The following ABHD2 variants were observed in gnomAD, a reference collection of about 807,000 sequenced individuals.
ABHD2 encodes the protein monoacylglycerol lipase ABHD2.
A neutral mutation model predicts 48.1 loss-of-function variants in ABHD2; 20 were observed. The observed-to-expected ratio is 0.42, with a 90% CI of 0.29 to 0.60. The LOEUF (loss-of-function observed/expected upper bound fraction) is 0.60, where lower values mean the gene tolerates loss of function less well. ABHD2 is among the 20% of genes least tolerant of loss of function. The probability of loss-of-function intolerance (pLI) is 0.24; values close to 1 mark genes in which losing one functional copy is unlikely to be tolerated. For synonymous variants in ABHD2, 209 were observed against 214.2 expected (o/e 0.98, Z 0.21); for missense variants, 405 against 550.9 (o/e 0.74, Z 2.65).
the ABHD2 span, among the ~76,000 whole-genome samples, chr15:89,073,026 T>C: frequency 0.012 from 1,764 of 152,302 alleles, 42 homozygotes; most frequent in African/African-American, 0.041. Flanking sequence ...GACATACTTA[T>C]ACTAAAAAAG....
At chr15:89,060,439 T>C in the ABHD2 span, among the ~76,000 whole-genome samples, 2 of 152,044 alleles carry the variant, frequency 1.3e-5, no homozygotes, top group Non-Finnish European at 2.9e-5. Flanking sequence ...AAGAGTTTTT[T>C]CGCTCATTTT....
At chr15:89,065,097 T>C in the ABHD2 span, among the ~76,000 whole-genome samples, 1 of 152,186 alleles carries the variant, frequency 6.6e-6, no homozygotes, top group African/African-American at 2.4e-5. Flanking sequence ...ACATGGGTGC[T>C]ATGGGCATCT....
chr15:89,198,184 TAA>T lies in ABHD2; in HGVS notation c.*2763_*2764del, dbSNP rs1178106090. The T allele has an allele frequency of 1.3e-5, 2 of 152,216 alleles. No homozygotes were observed. Among genetic ancestry groups the T allele is most frequent in the Non-Finnish European group, 2.9e-5 (2 of 68,030 alleles). 9.4% of individuals were successfully genotyped at this position (152,216 alleles called of 1,614,324 possible). On this transcript the variant is annotated 3_prime_UTR_variant, in exon 11 of 11. Coordinates refer to ENST00000352732, the MANE Select transcript of ABHD2 (RefSeq NM_152924.5). The surrounding 1 kb of genome is among the most constrained non-coding windows in gnomAD (Gnocchi z 5.1). ...TTGGGCTAAAACAAGGCTGAATTTT[TAA>T]AGAGTATTTGAATATATTTTAGAAT...
rs191885499 is a variant in ABHD2, at chr15:89,100,216, G to C, written c.-107+11653G>C. Among the ~76,000 whole-genome samples the C allele has an allele frequency of 6.6e-6, 1 of 152,046 alleles. No individual in the cohort carries two copies. The highest frequency in any genetic ancestry group is 1.5e-5 in the Non-Finnish European group (1 of 68,026). On this transcript the variant is annotated intron_variant, in intron 1 of 10. Coordinates refer to ENST00000352732, the MANE Select transcript of ABHD2 (RefSeq NM_152924.5). This position sits in a 1 kb window ranked among gnomAD's most constrained non-coding sequence, Gnocchi z 4.4. ...CTCTGGACTGGGATCTTCCAGCCTT[G>C]GTGAATGAAGTCTCTCCTTTGTCTT... is the stretch of plus-strand genomic sequence containing the variant.
At chr15:89,041,337 T>G in the ABHD2 span, 1 of 152,092 alleles carries the variant, frequency 6.6e-6, no homozygotes, top group African/African-American at 2.4e-5. Flanking sequence ...AGTTTAGAGG[T>G]GGTTTGCAAT....
At chr15:89,144,900 C>A (rs2150874427) in intron 3 of ABHD2, among the ~76,000 whole-genome samples, 1 of 152,326 alleles carries the variant, frequency 6.6e-6, no homozygotes, top group East Asian at 1.9e-4. Context: ...TGCTTTAAGA[C>A]CAGTAAAGAT....
At chr15:89,081,259 A>G in the ABHD2 span, among the ~76,000 whole-genome samples, 10 of 150,096 alleles carry the variant, frequency 6.7e-5, no homozygotes, top group Admixed American at 3.3e-4. Context: ...GGCTCAAGCA[A>G]TCCTCTTGCC....
Position 89,167,146 on chromosome 15 carries a change from G to A in ABHD2, c.539-8666G>A, listed in dbSNP as rs2050849971. On this transcript the variant is annotated intron_variant, in intron 5 of 10. Transcript: ENST00000352732. The surrounding 1 kb of genome is among the most constrained non-coding windows in gnomAD (Gnocchi z 5.5). ...AAGAGCTTCAGGCAGTGATTTTTAA[G>A]GAACTTCTATTTTGTTTTTACTGCT... Among the ~76,000 whole-genome samples, 2 of 152,100 alleles carry A rather than the reference G, an allele frequency of 1.3e-5. No homozygotes were observed.
intron 5 of ABHD2, among the ~76,000 whole-genome samples, chr15:89,172,174 C>G (rs1327469474): frequency 1.3e-5 from 2 of 152,058 alleles, no homozygotes; most frequent in East Asian, 3.8e-4. Flanking sequence ...AAATTTCATC[C>G]TAACCATTTT....
chr15:89,071,671 T>C, the ABHD2 span, among the ~76,000 whole-genome samples: 3 of 152,148 alleles, frequency 2.0e-5, no homozygotes, highest in African/African-American at 7.2e-5. Flanking sequence ...GGAGCTCACA[T>C]GTTCCTCATA....
the ABHD2 span, among the ~76,000 whole-genome samples, chr15:89,081,843 T>G: frequency 6.6e-6 from 1 of 152,148 alleles, no homozygotes; most frequent in Admixed American, 6.5e-5. Flanking sequence ...AGAGCAAGAC[T>G]CTGTCTCAAA....
At chr15:89,063,116 C>T in the ABHD2 span, among the ~76,000 whole-genome samples, 1 of 151,866 alleles carries the variant, frequency 6.6e-6, no homozygotes, top group East Asian at 1.9e-4. Context: ...TACAGGCGCA[C>T]GCCACCATGC....
In ABHD2 at chr15:89,091,071, G is replaced by A. The variant is rs997431583; in HGVS notation, c.-107+2508G>A. The stretch of plus-strand genomic sequence containing the variant: ...GAAATAAACCAGATGGCAAGTACAA[G>A]GGAATGGTCTTTTTCCTCTCATTTT... On this transcript the variant is annotated intron_variant, in intron 1 of 10. Transcript: ENST00000352732. This position sits in a 1 kb window ranked among gnomAD's most constrained non-coding sequence, Gnocchi z 5.5. 2.6e-5 allele frequency among the ~76,000 whole-genome samples: 4 copies of A among 152,190 alleles called. No homozygotes were observed. Among genetic ancestry groups the A allele is most frequent in the African/African-American group, 9.7e-5 (4 of 41,436 alleles).
rs1440918390 is a variant in ABHD2, at chr15:89,104,431, T to C, written c.-106-9294T>C. On this transcript the variant is annotated intron_variant, in intron 1 of 10. Coordinates refer to ENST00000352732, the MANE Select transcript of ABHD2 (RefSeq NM_152924.5). The surrounding 1 kb of genome is among the most constrained non-coding windows in gnomAD (Gnocchi z 4.4). ...CGGGTTTCCTCACAAATGCCTGCCA[T>C]GGTGAAATGCAAGACTGTTAGAGTG... is the stretch of plus-strand genomic sequence containing the variant. 6.6e-6 allele frequency among the ~76,000 whole-genome samples: 1 copy of C among 151,984 alleles called. No homozygotes were observed. Among genetic ancestry groups the C allele is most frequent in the Non-Finnish European group, 1.5e-5 (1 of 67,972 alleles).
At chr15:89,115,996 A>AT (rs1225268627) in intron 2 of ABHD2, among the ~76,000 whole-genome samples, 1 of 152,072 alleles carries the variant, frequency 6.6e-6, no homozygotes, top group African/African-American at 2.4e-5. Context: ...GACTGATCTT[A>AT]TTTTTCCCCC....
chr15:89,131,350 C>G (rs550338382), intron 3 of ABHD2, among the ~76,000 whole-genome samples: 44 of 152,346 alleles, frequency 2.9e-4, no homozygotes, highest in African/African-American at 1.0e-3. Flanking sequence ...CACACAGCCT[C>G]TTTATTTGAG....
At chr15:89,072,840 A>G in the ABHD2 span, among the ~76,000 whole-genome samples, 1 of 152,180 alleles carries the variant, frequency 6.6e-6, no homozygotes, top group African/African-American at 2.4e-5. Flanking sequence ...GCTGCCAAGT[A>G]AAATACAAAA....
At position 89,164,169 on chromosome 15, in the gene ABHD2, A is replaced by G. The variant is rs548603318; in HGVS notation, c.538+8635A>G. Among the ~76,000 whole-genome samples, 6 of 152,286 alleles carry G rather than the reference A, an allele frequency of 3.9e-5. No homozygotes were observed. Among genetic ancestry groups the G allele is most frequent in the African/African-American group, 1.2e-4 (5 of 41,570 alleles). On this transcript the variant is annotated intron_variant, in intron 5 of 10. Transcript: ENST00000352732. The surrounding 1 kb of genome is among the most constrained non-coding windows in gnomAD (Gnocchi z 5.0). Reference sequence around the variant, plus strand: ...CGATGGGAATACAGGTGTGGATTCGAGTCCCTGCCTTCAGGAAGATCCCAG... The same window carrying G: ...CGATGGGAATACAGGTGTGGATTCGGGTCCCTGCCTTCAGGAAGATCCCAG...
chr15:89,077,697 G>A, the ABHD2 span, among the ~76,000 whole-genome samples: 1 of 152,194 alleles, frequency 6.6e-6, no homozygotes, highest in Non-Finnish European at 1.5e-5. Flanking sequence ...CTTAGTAAGG[G>A]TTTTATAAAT....
Sources: allele counts gnomAD v4.1 joint callset (sites outside exome capture counted in the v4.1 genomes callset), GRCh38; gene constraint gnomAD v4.1.1; non-coding constraint Gnocchi (gnomAD v3.1); transcripts MANE v1.5; gene names NCBI Gene and HGNC (gene_info 2026-07-23, HGNC 2026-07-21).